Variants in STAU1 observed in about 807,000 individuals in gnomAD.
STAU1 encodes the protein double-stranded RNA-binding protein Staufen homolog 1.
STAU1 carries 13 observed loss-of-function variants against 62.9 expected under a neutral mutation model. The observed-to-expected ratio is 0.21, with a 90% CI of 0.13 to 0.33. The LOEUF is 0.33. STAU1 is among the 10% of genes least tolerant of loss of function. The pLI is 1.00. For missense variants in STAU1, 571 were observed against 712.1 expected, an observed-to-expected ratio of 0.80 and a Z score of 2.25; for synonymous variants, 269 against 265.1, an observed-to-expected ratio of 1.01 and a Z score of -0.14.
At chr20:49,197,131 G>T in the STAU1 span, among the ~76,000 whole-genome samples, 1 of 150,374 alleles carries the variant, frequency 6.7e-6, no homozygotes, top group Non-Finnish European at 1.5e-5. Flanking sequence ...CTCCAGCCTG[G>T]GTGACAGAGT....
chr20:49,134,288 C>T (rs759333045), intron 6 of STAU1, among the ~76,000 whole-genome samples: 6 of 151,796 alleles, frequency 4.0e-5, no homozygotes, highest in East Asian at 1.9e-4. Flanking sequence ...AAAATTAGCT[C>T]GGCATGGTGG....
At chr20:49,133,276 C>T (rs2092792023) in intron 6 of STAU1, among the ~76,000 whole-genome samples, 3 of 152,218 alleles carry the variant, frequency 2.0e-5, no homozygotes, top group Admixed American at 6.5e-5. Context: ...CTCAGTGACT[C>T]TGGGTAGCAG....
At chr20:49,207,170 G>A in the STAU1 span, among the ~76,000 whole-genome samples, 861 of 152,020 alleles carry the variant, frequency 5.7e-3, 2 homozygotes, top group South Asian at 0.019. Context: ...AGGCTGCAGC[G>A]AGCTATGATT....
chr20:49,205,299 C>T, the STAU1 span, among the ~76,000 whole-genome samples: 1 of 151,576 alleles, frequency 6.6e-6, no homozygotes, highest in Non-Finnish European at 1.5e-5. Context: ...TCATTACGCA[C>T]ACAAGTGCTC....
At chr20:49,219,256 AT>A in the STAU1 span, 1 of 1,264,384 alleles carries the variant, frequency 7.9e-7, no homozygotes, top group Non-Finnish European at 1.1e-6. Context: ...CCGCCCCTTG[AT>A]GGCGTCACAC....
At chr20:49,157,365 C>A (rs2093376508) in intron 3 of STAU1, among the ~76,000 whole-genome samples, 1 of 152,040 alleles carries the variant, frequency 6.6e-6, no homozygotes, top group Admixed American at 6.6e-5. Context: ...GCTGTCCAGG[C>A]TGGAGCTCAA....
At chr20:49,189,270 C>A (rs1466393552), upstream of STAU1, among the ~76,000 whole-genome samples, 1 of 135,874 alleles carries the variant, frequency 7.4e-6, no homozygotes, top group Non-Finnish European at 1.5e-5. Context: ...CTATTTATTT[C>A]ACCCAGACCT....
intron 5 of STAU1, 139 bp from the exon 6 acceptor site, chr20:49,136,070 A>T: frequency 1.6e-6 from 1 of 625,408 alleles, no homozygotes; most frequent in Non-Finnish European, 2.7e-6. Context: ...GACCAGCCTG[A>T]GCAACATGGC....
In STAU1 at chr20:49,117,274, T is replaced by G. The variant is rs1289268218; in HGVS notation, c.1510-26A>C. 5 of 1,613,008 alleles carry G rather than the reference T, an allele frequency of 3.1e-6. No homozygotes were observed. Among genetic ancestry groups the G allele is most frequent in the Non-Finnish European group, 4.2e-6 (5 of 1,179,304 alleles). On this transcript the variant is annotated intron_variant, in intron 11 of 13. Transcript: ENST00000371856. This position sits in a 1 kb window ranked among gnomAD's most constrained non-coding sequence, Gnocchi z 4.6. The stretch of plus-strand genomic sequence containing the variant: ...CTAAGGGGGAAAAGAGAGCTGAGGC[T>G]AGGTAGGGAACAGCAAGTATGAGTG...
intron 3 of STAU1, chr20:49,159,060 A>C (rs1018889787): frequency 7.1e-6 from 9 of 1,266,742 alleles, no homozygotes; most frequent in Middle Eastern, 2.2e-4. Context: ...GCAGGCAGGA[A>C]GGTCAAATGG....
chr20:49,144,489 C>T (rs548866773), intron 5 of STAU1, among the ~76,000 whole-genome samples: 116 of 152,310 alleles, frequency 7.6e-4, no homozygotes, highest in African/African-American at 2.6e-3. Flanking sequence ...TGCGATTTTG[C>T]TTAGACAATC....
chr20:49,141,692 C>T (rs954053428), intron 5 of STAU1, among the ~76,000 whole-genome samples: 2 of 152,090 alleles, frequency 1.3e-5, no homozygotes, highest in Non-Finnish European at 2.9e-5. Context: ...GTCAGGAGTT[C>T]GAGACCAGCC....
chr20:49,151,859 T>C (rs982762107), intron 4 of STAU1, 112 bp from the exon 5 acceptor site: 4 of 898,256 alleles, frequency 4.5e-6, no homozygotes, highest in Non-Finnish European at 6.5e-6. Context: ...ACATTAGTGT[T>C]TGATGCTAAT....
At chr20:49,133,241 T>A (rs1386506615) in intron 6 of STAU1, among the ~76,000 whole-genome samples, 4 of 152,166 alleles carry the variant, frequency 2.6e-5, no homozygotes, top group Admixed American at 2.6e-4. Flanking sequence ...AAACATAAAA[T>A]AGCAATCTCT....
At chr20:49,196,559 G>A in the STAU1 span, among the ~76,000 whole-genome samples, 7,620 of 152,060 alleles carry the variant, frequency 0.05, 625 homozygotes, top group African/African-American at 0.17. Flanking sequence ...GGCCGAGGCC[G>A]GCAGATCTCC....
At chr20:49,195,925 G>GAAAAAAGA in the STAU1 span, among the ~76,000 whole-genome samples, 1,218 of 93,122 alleles carry the variant, frequency 0.013, 8 homozygotes, top group East Asian at 0.027. Flanking sequence ...AAAGAAAAAA[G>GAAAAAAGA]AAAAAAAAAA....
chr20:49,181,433 A>G (rs1284276797), intron 1 of STAU1, among the ~76,000 whole-genome samples: 2 of 152,070 alleles, frequency 1.3e-5, no homozygotes, highest in Admixed American at 6.6e-5. Flanking sequence ...ACTAAAACCA[A>G]CCCACTCACT....
chr20:49,119,316 T>G (rs1461610937), intron 9 of STAU1, among the ~76,000 whole-genome samples: 1 of 152,184 alleles, frequency 6.6e-6, no homozygotes, highest in Non-Finnish European at 1.5e-5. Flanking sequence ...TAGCTCGGGC[T>G]ACAGGTACAA....
chr20:49,152,375 C>CAA (rs2093268562), intron 4 of STAU1, among the ~76,000 whole-genome samples: 1 of 84,914 alleles, frequency 1.2e-5, no homozygotes, highest in Admixed American at 1.6e-4. Flanking sequence ...GATGGAGTTT[C>CAA]TCTTGTTGCC....
Sources: gnomAD v4.1 joint callset for allele counts (sites outside exome capture counted in the v4.1 genomes callset) on GRCh38, gnomAD v4.1.1 for gene constraint, Gnocchi (gnomAD v3.1) non-coding constraint, MANE v1.5 for transcripts, NCBI Gene and HGNC (gene_info 2026-07-23, HGNC 2026-07-21) for gene names.